TULP4: variants seen among roughly 807,000 people sequenced by gnomAD.
The protein encoded by TULP4 is tubby-related protein 4.
Under a neutral mutation model 129.0 loss-of-function variants are expected in TULP4, and 16 were observed. The ratio of observed to expected loss-of-function variants is 0.12; its 90% CI spans 0.08 to 0.19. The LOEUF (loss-of-function observed/expected upper bound fraction) is 0.19, where lower values mean the gene tolerates loss of function less well. Among genes scored for constraint, TULP4 ranks in the 10% least tolerant of loss-of-function variants. The pLI, the probability that TULP4 is intolerant of heterozygous loss-of-function variation, is 1.00. For synonymous variants in TULP4, 998 were observed against 854.0 expected, an observed-to-expected ratio of 1.17 and a Z score of -2.94; for missense variants, 1,842 against 2,059.1, an observed-to-expected ratio of 0.89 and a Z score of 2.04.
intron 1 of TULP4, among the ~76,000 whole-genome samples, chr6:158,276,181 G>C (rs1489979755): frequency 6.6e-6 from 1 of 152,058 alleles, no homozygotes; most frequent in African/African-American, 2.4e-5. Context: ...TGTTGGGCAG[G>C]CTGGTCTCGA....
chr6:158,474,614 G>C (rs988016008), intron 6 of TULP4, among the ~76,000 whole-genome samples: 1 of 152,166 alleles, frequency 6.6e-6, no homozygotes, highest in African/African-American at 2.4e-5. Flanking sequence ...GCTCAACACT[G>C]TTTTTTACTT....
rs530985561 is a variant in TULP4 at position 158,465,716 on chromosome 6, T to C, written c.1026+3987T>C. On this transcript the variant is annotated intron_variant, in intron 6 of 13. Coordinates refer to ENST00000367097, the MANE Select transcript of TULP4 (RefSeq NM_020245.5). Reference sequence around the variant, plus strand: ...GAAAGTGCGCCCGAAGCAGTTGAATTACAGTCTGGTTTTGTACATTTCAGG... The same window carrying C: ...GAAAGTGCGCCCGAAGCAGTTGAATCACAGTCTGGTTTTGTACATTTCAGG... Among the ~76,000 whole-genome samples, 6 of 152,324 alleles carry C rather than the reference T, an allele frequency of 3.9e-5. 1 individual carries two copies. In the East Asian group the frequency reaches 1.2e-3, roughly 29 times the overall value.
intron 5 of TULP4, among the ~76,000 whole-genome samples, chr6:158,458,223 G>A (rs2115172224): frequency 6.6e-6 from 1 of 152,270 alleles, no homozygotes; most frequent in Middle Eastern, 3.4e-3. Context: ...AGGGCTTCTT[G>A]TTAATACAAA....
In TULP4 at chr6:158,501,706, C is replaced by T. The variant is rs764881664; in HGVS notation, c.2043C>T (p.Asn681=). The T allele has an allele frequency of 6.2e-7, 1 of 1,610,240 alleles. No homozygotes were observed. The highest frequency in any genetic ancestry group is 1.7e-4 in the Middle Eastern group (1 of 6,054). Reference sequence around the variant, plus strand: ...CAGGAGCATCTGGTGTCCCTGAGAACAGCCCACCTTGTACCGTGAACATCC... The same window carrying T: ...CAGGAGCATCTGGTGTCCCTGAGAATAGCCCACCTTGTACCGTGAACATCC... ...PVTGASGVPE[N]SPPCTVNIPI... Residue 681 remains asparagine, a synonymous_variant, in exon 13 of 14, where the codon AAC becomes AAT. Transcript: ENST00000367097.
At chr6:158,307,961 A>T (rs2128479796), upstream of TULP4, among the ~76,000 whole-genome samples, 1 of 151,690 alleles carries the variant, frequency 6.6e-6, no homozygotes, top group East Asian at 1.9e-4. Flanking sequence ...TTTCGCAAAC[A>T]TCTAAATTTA....
intron 1 of TULP4, among the ~76,000 whole-genome samples, chr6:158,305,967 C>G (rs1156813314): frequency 6.6e-6 from 1 of 152,004 alleles, no homozygotes; most frequent in East Asian, 1.9e-4. Flanking sequence ...AGTGAAATGC[C>G]CAACACCACT....
chr6:158,437,643 T>A (rs893501898), intron 3 of TULP4, among the ~76,000 whole-genome samples: 54 of 152,308 alleles, frequency 3.5e-4, no homozygotes, highest in East Asian at 1.3e-3. Context: ...AATGAACTGT[T>A]ACAGATACTC....
intron 1 of TULP4, among the ~76,000 whole-genome samples, chr6:158,326,875 T>A (rs1779758198): frequency 6.6e-6 from 1 of 152,222 alleles, no homozygotes; most frequent in East Asian, 1.9e-4. Context: ...ATTTTTTCAA[T>A]CAAATACGGA....
chr6:158,261,205 A>G (rs1241750562), intron 1 of TULP4, among the ~76,000 whole-genome samples: 1 of 152,206 alleles, frequency 6.6e-6, no homozygotes, highest in Non-Finnish European at 1.5e-5. Context: ...TAAGGTAGCT[A>G]CCAGGCACGT....
At chr6:158,240,776 A>C (rs1204771916) in intron 1 of TULP4, among the ~76,000 whole-genome samples, 1 of 117,792 alleles carries the variant, frequency 8.5e-6, no homozygotes, top group Non-Finnish European at 1.8e-5. Flanking sequence ...CCCGGTCGGC[A>C]CGGCTGGCCA....
chr6:158,236,840 G>A (rs1034433350), intron 1 of TULP4, among the ~76,000 whole-genome samples: 2 of 74,454 alleles, frequency 2.7e-5, no homozygotes, highest in African/African-American at 1.0e-4. Context: ...TTGAGATAGG[G>A]TCTTGCTCTG....
intron 5 of TULP4, among the ~76,000 whole-genome samples, chr6:158,459,090 C>T (rs544780956): frequency 4.6e-5 from 7 of 152,256 alleles, no homozygotes; most frequent in Non-Finnish European, 5.9e-5. Context: ...AAGAGTGATT[C>T]GCCTTTGCAG....
At chr6:158,257,554 G>A (rs768918732) in intron 1 of TULP4, among the ~76,000 whole-genome samples, 2 of 152,074 alleles carry the variant, frequency 1.3e-5, no homozygotes, top group South Asian at 2.1e-4. Flanking sequence ...TAAAAATAAC[G>A]GTTGCTTCTT....
At chr6:158,300,085 G>A (rs117316221) in intron 1 of TULP4, among the ~76,000 whole-genome samples, 3 of 152,088 alleles carry the variant, frequency 2.0e-5, no homozygotes, top group Admixed American at 6.5e-5. Context: ...CTGAGGAGTC[G>A]GCACAGATCT....
chr6:158,498,408 G>C (rs1207767850), intron 11 of TULP4, among the ~76,000 whole-genome samples: 2 of 152,330 alleles, frequency 1.3e-5, no homozygotes, highest in South Asian at 4.1e-4. Context: ...GAAATTTGTA[G>C]TTCTGTAGAC....
intron 2 of TULP4, among the ~76,000 whole-genome samples, chr6:158,424,215 C>T (rs1034222146): frequency 2.0e-5 from 3 of 152,080 alleles, no homozygotes; most frequent in Non-Finnish European, 2.9e-5. Context: ...TGATGTAAAA[C>T]GGTATATTTG....
Position 158,331,728 on chromosome 6 carries a change from C to CACGTATATAT in TULP4, c.252+17461_252+17462insCGTATATATA, listed in dbSNP as rs1779888447. On this transcript the variant is annotated intron_variant, in intron 1 of 13. Transcript: ENST00000367097. ...ACACACACACACACACACACACACA[C>CACGTATATAT]ATACGTATATATATACGTGTATATA... 5.3e-5 allele frequency among the ~76,000 whole-genome samples: 2 copies of CACGTATATAT among 37,614 alleles called. 1 individual carries two copies. The highest frequency in any genetic ancestry group is 1.7e-4 in the African/African-American group (2 of 11,702). The allele number at this position is 37,614 out of a possible 152,430, so 24.7% of individuals were successfully genotyped here.
rs1189750847 is a variant in TULP4 at position 158,502,725 on chromosome 6, G to T, written c.3062G>T (p.Gly1021Val). 7 of 1,570,292 alleles carry T rather than the reference G, an allele frequency of 4.5e-6. No individual in the cohort carries two copies. Among genetic ancestry groups the T allele is most frequent in the Non-Finnish European group, 6.0e-6 (7 of 1,162,180 alleles). The change falls in exon 13 of 14, where the codon GGG (glycine) becomes GTG (valine). Residue 1021 changes from glycine (G) to valine (V), a missense_variant. Physicochemically the swap from Gly to Val is moderately radical, Grantham distance 109. Transcript: ENST00000367097. The part of the protein sequence containing the change: ...PLAKSKGGPG[G>V]VVTQLPARPP... ...GCCAAGTCCAAGGGCGGGCCCGGGG[G>T]GGTGGTGACACAGCTCCCAGCGCGG...
At chr6:158,302,810 A>G (rs555630452) in intron 1 of TULP4, among the ~76,000 whole-genome samples, 2 of 152,072 alleles carry the variant, frequency 1.3e-5, no homozygotes, top group East Asian at 1.9e-4. Flanking sequence ...TGGAATATTA[A>G]TTTCAGCCCC....
Sources: gnomAD v4.1 joint callset for allele counts (sites outside exome capture counted in the v4.1 genomes callset) on GRCh38, gnomAD v4.1.1 for gene constraint, MANE v1.5 for transcripts, NCBI Gene and HGNC (gene_info 2026-07-23, HGNC 2026-07-21) for gene names.